SPATC1L: variants seen among roughly 807,000 people sequenced by gnomAD.
SPATC1L encodes the protein speriolin-like protein.
SPATC1L carries 20 observed loss-of-function variants against 21.2 expected under a neutral mutation model. That is an observed-to-expected ratio of 0.94 (90% CI 0.66 to 1.37). The LOEUF (loss-of-function observed/expected upper bound fraction) is 1.37. SPATC1L is among the 40% of genes most tolerant of loss of function. The pLI is 0.00. For missense variants in SPATC1L, 499 were observed against 478.7 expected, an observed-to-expected ratio of 1.04 and a Z score of -0.40; for synonymous variants, 290 against 234.5, an observed-to-expected ratio of 1.24 and a Z score of -2.16.
At chr21:46,166,792 G>C (rs991046081) in intron 3 of SPATC1L, among the ~76,000 whole-genome samples, 6 of 152,258 alleles carry the variant, frequency 3.9e-5, no homozygotes, top group African/African-American at 1.4e-4. Flanking sequence ...AATATTACTA[G>C]AGCTAAATCG....
chr21:46,162,186 C>G, intron 3 of SPATC1L, 119 bp from the exon 4 acceptor site: 1 of 1,162,386 alleles, frequency 8.6e-7, no homozygotes, highest in Non-Finnish European at 1.2e-6. Flanking sequence ...CTGCCGCCAC[C>G]CCCCACTGTC....
At chr21:46,163,316 CAA>C (rs1468843419) in intron 3 of SPATC1L, among the ~76,000 whole-genome samples, 1 of 152,202 alleles carries the variant, frequency 6.6e-6, no homozygotes, top group Non-Finnish European at 1.5e-5. Flanking sequence ...CTTTGAAGCA[CAA>C]AAGTTTGTTT....
intron 2 of SPATC1L, among the ~76,000 whole-genome samples, chr21:46,170,559 CT>C (rs1474238375): frequency 7.4e-4 from 58 of 78,224 alleles, no homozygotes; most frequent in African/African-American, 9.6e-4. Flanking sequence ...GTGGAGGAGC[CT>C]CCTGCTCTGT....
At position 46,161,330 on chromosome 21, in the gene SPATC1L, G is replaced by T; in HGVS notation, c.*49C>A. 3.4e-6 allele frequency: 5 copies of T among 1,452,638 alleles called. No individual in the cohort carries two copies. The highest frequency in any genetic ancestry group is 4.5e-6 in the Non-Finnish European group (5 of 1,105,762). The allele number at this position is 1,452,638 out of a possible 1,614,324, so 90.0% of individuals were successfully genotyped here. On this transcript the variant is annotated 3_prime_UTR_variant, in exon 5 of 5. Transcript: ENST00000291672. ...CGCGCAGGAGGCACCGCGGCCCCGG[G>T]TTGGAACAAACGCGTTTACTGCAGG...
chr21:46,172,332 CAGA>C, intron 2 of SPATC1L, among the ~76,000 whole-genome samples: 1 of 152,308 alleles, frequency 6.6e-6, no homozygotes, highest in Non-Finnish European at 1.5e-5. Flanking sequence ...GCAGGGTGTG[CAGA>C]ACCCAGTGGC....
Position 46,184,168 on chromosome 21 carries a change from C to G in SPATC1L, c.-959+188G>C, listed in dbSNP as rs962315132. Among the ~76,000 whole-genome samples, 5 of 152,272 alleles carry G rather than the reference C, an allele frequency of 3.3e-5. No homozygotes were observed. The South Asian group carries it at 8.3e-4, about 25-fold the overall frequency. ...GCCCGTGTCTAAGACACCAATTGTT[C>G]CTGACTGCACTGCTCCTGCCTGCAC... On this transcript the variant is annotated intron_variant, in intron 1 of 4. Coordinates refer to ENST00000291672, the MANE Select transcript of SPATC1L (RefSeq NM_001142854.2).
chr21:46,179,972 C>G (rs1241726724), intron 2 of SPATC1L, among the ~76,000 whole-genome samples: 1 of 152,250 alleles, frequency 6.6e-6, no homozygotes, highest in African/African-American at 2.4e-5. Flanking sequence ...CAGTGCCCTC[C>G]TCCTCCATCA....
chr21:46,171,208 C>T (rs1383568815), intron 2 of SPATC1L, among the ~76,000 whole-genome samples: 1 of 152,252 alleles, frequency 6.6e-6, no homozygotes, highest in Non-Finnish European at 1.5e-5. Flanking sequence ...TTTCCCCAAT[C>T]CCTGGCCAAA....
chr21:46,161,712 G>C lies in SPATC1L; in HGVS notation c.697-7C>G, dbSNP rs779433960. On this transcript the variant is annotated splice_polypyrimidine_tract_variant and splice_region_variant and intron_variant, in intron 4 of 4. Transcript: ENST00000291672. ...CCAGAGACTTGGTGGAGGTCTGCGG[G>C]CGCAGCGCATGGATGGGGGTGGGGG... 1 of 1,580,586 alleles carries C rather than the reference G, an allele frequency of 6.3e-7. No homozygotes were observed. The highest frequency in any genetic ancestry group is 1.7e-5 in the Admixed American group (1 of 57,484).
chr21:46,170,078 ATGG>A, intron 2 of SPATC1L, among the ~76,000 whole-genome samples: 1 of 81,422 alleles, frequency 1.2e-5, no homozygotes, highest in Non-Finnish European at 2.5e-5. Flanking sequence ...TCCTCTGTGG[ATGG>A]GGAGGAGCCT....
At chr21:46,181,398 G>T (rs1187777661) in intron 2 of SPATC1L, among the ~76,000 whole-genome samples, 1 of 152,162 alleles carries the variant, frequency 6.6e-6, no homozygotes, top group Non-Finnish European at 1.5e-5. Context: ...CCAGCTCCCT[G>T]CGAGGAGCCC....
rs537637025 is a variant in SPATC1L, at chr21:46,161,907, G to A, written c.696+9C>T. 1.4e-5 allele frequency: 23 copies of A among 1,604,220 alleles called. No homozygotes were observed. In the Admixed American group the frequency reaches 2.7e-4, roughly 19 times the overall value. On this transcript the variant is annotated intron_variant, in intron 4 of 4. Coordinates refer to ENST00000291672, the MANE Select transcript of SPATC1L (RefSeq NM_001142854.2). Reference sequence around the variant, plus strand: ...ACCCTCCTGGCCGCGCCCTCCCCACGGGGCGCACCTGCTCGATCTTCTCGG... The same window carrying A: ...ACCCTCCTGGCCGCGCCCTCCCCACAGGGCGCACCTGCTCGATCTTCTCGG...
Position 46,168,274 on chromosome 21 carries a change from G to C in SPATC1L, c.544+34C>G, listed in dbSNP as rs778231743. On this transcript the variant is annotated intron_variant, in intron 3 of 4. Coordinates refer to ENST00000291672, the MANE Select transcript of SPATC1L (RefSeq NM_001142854.2). ...CCCCACAGCTGCCAGCCTGCACTGGGGGCCCCCCCAGGTGCCCCCGCACCC... is the reference window on the plus strand; with the variant it reads ...CCCCACAGCTGCCAGCCTGCACTGGCGGCCCCCCCAGGTGCCCCCGCACCC... The C allele has an allele frequency of 2.7e-6, 4 of 1,497,774 alleles. No individual in the cohort carries two copies. In the African/African-American group the frequency reaches 4.2e-5, roughly 16 times the overall value. The allele number at this position is 1,497,774 out of a possible 1,614,324, so 92.8% of individuals were successfully genotyped here.
Position 46,161,937 on chromosome 21 carries a change from G to T in SPATC1L, c.675C>A (p.Asn225Lys). The T allele has an allele frequency of 6.2e-7, 1 of 1,607,752 alleles. No individual in the cohort carries two copies. ...VTRLYGFTVA[N>K]IPEKIEQTST... is the part of the protein sequence containing the mutation. The stretch of plus-strand genomic sequence containing the variant: ...GCACCTGCTCGATCTTCTCGGGGAT[G>T]TTGGCCACCGTGAAGCCGTAGAGCC... Residue 225 changes from asparagine to lysine, a missense_variant, in exon 4 of 5, where the codon AAC becomes AAA. Physicochemically the swap from Asn to Lys is moderately conservative, Grantham distance 94 (BLOSUM62 0). Transcript: ENST00000291672.
intron 4 of SPATC1L, 41 bp downstream of exon 4, chr21:46,161,875 G>A (rs1232982095): frequency 3.8e-6 from 6 of 1,592,056 alleles, no homozygotes; most frequent in Admixed American, 3.4e-5. Context: ...CGGACCGAGC[G>A]CCCCGCACCC....
In SPATC1L at chr21:46,168,554, C is replaced by A; in HGVS notation, c.298G>T (p.Asp100Tyr). 6.7e-7 allele frequency: 1 copy of A among 1,498,368 alleles called. No homozygotes were observed. The highest frequency in any genetic ancestry group is 9.0e-7 in the Non-Finnish European group (1 of 1,109,760). 92.8% of individuals were successfully genotyped at this position (1,498,368 alleles called of 1,614,324 possible). The change falls in exon 3 of 5, where the codon GAC becomes TAC. Residue 100 changes from aspartate to tyrosine, a missense_variant. Transcript: ENST00000291672. ...GCTGCACAGCCCGGGGAGGTGTCGT[C>A]CTCGCTGGACAGGGGGGCATGTGAG... Reference protein sequence around the residue: ...LCSHAPLSSEDDTSPGCAAPS... With the variant: ...LCSHAPLSSEYDTSPGCAAPS...
In SPATC1L at chr21:46,168,464, C is replaced by T. The variant is rs534786582; in HGVS notation, c.388G>A (p.Asp130Asn). The stretch of plus-strand genomic sequence containing the variant: ...CTCAGGAGCGGGGACAGCTTCCTGT[C>T]GGTGCCTCGGTGGCTATGTGGCTCT... Reference protein sequence around the residue: ...PPEPHSHRGTDRKLSPLLSPL... With the variant: ...PPEPHSHRGTNRKLSPLLSPL... The change falls in exon 3 of 5, where the codon GAC (aspartate) becomes AAC (asparagine). Residue 130 changes from aspartate (D) to asparagine (N), a missense_variant. By Grantham distance (23) the Asp-to-Asn change is conservative. Coordinates refer to ENST00000291672, the MANE Select transcript of SPATC1L (RefSeq NM_001142854.2). The T allele has an allele frequency of 1.3e-5, 20 of 1,588,144 alleles. No individual in the cohort carries two copies. The highest frequency in any genetic ancestry group is 1.7e-4 in the Middle Eastern group (1 of 6,026).
intron 3 of SPATC1L, among the ~76,000 whole-genome samples, chr21:46,165,248 T>C (rs1490999249): frequency 6.6e-6 from 1 of 152,220 alleles, no homozygotes; most frequent in Non-Finnish European, 1.5e-5. Context: ...CATTTGACAG[T>C]TTAAAAGTAA....
intron 2 of SPATC1L, 84 bp from the exon 3 acceptor site, chr21:46,168,742 C>A: frequency 4.6e-6 from 4 of 877,800 alleles, no homozygotes; most frequent in Non-Finnish European, 6.2e-6. Flanking sequence ...GTTAACAACC[C>A]CTATGCACCC....
Sources: gnomAD v4.1 joint callset for allele counts (sites outside exome capture counted in the v4.1 genomes callset) on GRCh38, gnomAD v4.1.1 for gene constraint, MANE v1.5 for transcripts, NCBI Gene and HGNC (gene_info 2026-07-23, HGNC 2026-07-21) for gene names.